The following KXD1 variants were observed in gnomAD, a reference collection of about 807,000 sequenced individuals.
KXD1 encodes the protein KxDL motif containing 1, also known as kxDL motif-containing protein 1.
KXD1 carries 5 observed loss-of-function variants against 12.1 expected under a neutral mutation model. The observed-to-expected ratio is 0.41, with a 90% CI of 0.22 to 0.87. The LOEUF is 0.87. Among genes scored for constraint, KXD1 ranks in the 40% least tolerant of loss-of-function variants. The pLI is 0.31. For missense variants in KXD1, 193 were observed against 244.9 expected, an observed-to-expected ratio of 0.79 and a Z score of 1.41; for synonymous variants, 98 against 100.5, an observed-to-expected ratio of 0.98 and a Z score of 0.15.
intron 4 of KXD1, 162 bp downstream of exon 4, chr19:18,567,340 T>C: frequency 1.4e-6 from 1 of 707,346 alleles, no homozygotes; most frequent in Non-Finnish European, 2.5e-6. Flanking sequence ...GCTGGCCTGG[T>C]CCTGTCAGCA....
At chr19:18,566,771 C>T (rs888022589) in intron 3 of KXD1, among the ~76,000 whole-genome samples, 3 of 150,376 alleles carry the variant, frequency 2.0e-5, no homozygotes, top group East Asian at 1.9e-4. Context: ...CCACCCTGGG[C>T]GACAGAGTGA....
intron 1 of KXD1, among the ~76,000 whole-genome samples, chr19:18,560,985 G>A (rs538993400): frequency 2.0e-5 from 3 of 152,206 alleles, no homozygotes; most frequent in African/African-American, 7.2e-5. Context: ...GATTACAGGC[G>A]TGAGCCACAG....
chr19:18,565,897 A>T (rs1312673412), intron 3 of KXD1, among the ~76,000 whole-genome samples: 3 of 152,290 alleles, frequency 2.0e-5, no homozygotes, highest in Middle Eastern at 3.4e-3. Flanking sequence ...CGTGTTGCCC[A>T]GGCTAGTCTC....
At chr19:18,564,842 A>G in intron 2 of KXD1, 27 bp from the exon 3 acceptor site, 1 of 1,612,052 alleles carries the variant, frequency 6.2e-7, no homozygotes, top group Non-Finnish European at 8.5e-7. Flanking sequence ...CTGGGCAGTG[A>G]AGCTCATGCC....
chr19:18,561,758 C>G, intron 1 of KXD1: 1 of 244,164 alleles, frequency 4.1e-6, no homozygotes, highest in South Asian at 6.4e-5. Context: ...TGAGAGGTAC[C>G]TGTGGCCTTG....
chr19:18,564,273 G>A (rs1342440276), intron 2 of KXD1, among the ~76,000 whole-genome samples: 1 of 152,072 alleles, frequency 6.6e-6, no homozygotes, highest in Non-Finnish European at 1.5e-5. Context: ...GACCCTCCTG[G>A]CCCTATGGTG....
chr19:18,565,790 C>T (rs866793220), intron 3 of KXD1, among the ~76,000 whole-genome samples: 4 of 152,250 alleles, frequency 2.6e-5, no homozygotes, highest in Middle Eastern at 3.4e-3. Context: ...CAGGTTCAAG[C>T]GATTCTCCTG....
rs1175422548 is a variant in KXD1, at chr19:18,568,513, C to T, written c.413C>T (p.Pro138Leu). 1.1e-5 allele frequency: 18 copies of T among 1,614,106 alleles called. No homozygotes were observed. Among genetic ancestry groups the T allele is most frequent in the Admixed American group, 1.7e-5 (1 of 60,014 alleles). The change falls in exon 5 of 5, where the codon CCC becomes CTC. Residue 138 changes from proline to leucine, a missense_variant. Physicochemically the swap from Pro to Leu is moderately conservative, Grantham distance 98. Transcript: ENST00000222307. ...AGCACGGGCTCATGTGACACCAGCCCCGACACCGTCTCGCCCTCCCTGAGC... is the reference window on the plus strand; with the variant it reads ...AGCACGGGCTCATGTGACACCAGCCTCGACACCGTCTCGCCCTCCCTGAGC... Reference protein sequence around the residue: ...EQSTGSCDTSPDTVSPSLSPG... With the variant: ...EQSTGSCDTSLDTVSPSLSPG...
At chr19:18,565,315 C>T (rs188952381) in intron 3 of KXD1, 34 of 592,156 alleles carry the variant, frequency 5.7e-5, no homozygotes, top group African/African-American at 4.4e-4. Context: ...CTGCAAGCTC[C>T]GCTTCCCGGG....
intron 2 of KXD1, among the ~76,000 whole-genome samples, 199 bp downstream of exon 2, chr19:18,562,356 T>G (rs1974958123): frequency 6.6e-6 from 1 of 152,220 alleles, no homozygotes; most frequent in Non-Finnish European, 1.5e-5. Flanking sequence ...TGGGGAGATT[T>G]TGCAGCTGCG....
intron 3 of KXD1, 180 bp downstream of exon 3, chr19:18,565,201 T>G (rs1207610395): frequency 7.2e-7 from 1 of 1,397,028 alleles, no homozygotes; most frequent in East Asian, 2.5e-5. Context: ...GTAAGTTTAT[T>G]TACTGATTGA....
chr19:18,564,652 A>G (rs950646951), intron 2 of KXD1, among the ~76,000 whole-genome samples: 3 of 152,180 alleles, frequency 2.0e-5, no homozygotes, highest in Non-Finnish European at 4.4e-5. Flanking sequence ...AGAGGTAGAC[A>G]AGGCTACATG....
rs746447208 is a variant in KXD1 at position 18,568,548 on chromosome 19, G to C, written c.448G>C (p.Glu150Gln). ...TVSPSLSPGF[E>Q]DLSHVQPGSP... The stretch of plus-strand genomic sequence containing the variant: ...CTCGCCCTCCCTGAGCCCCGGCTTC[G>C]AGGACCTGTCCCATGTCCAGCCTGG... Residue 150 changes from glutamate (E) to glutamine (Q), a missense_variant, in exon 5 of 5, where the codon GAG becomes CAG. Coordinates refer to ENST00000222307, the MANE Select transcript of KXD1 (RefSeq NM_024069.4). 3 of 1,613,922 alleles carry C rather than the reference G, an allele frequency of 1.9e-6. No individual in the cohort carries two copies. The South Asian group carries it at 3.3e-5, about 18-fold the overall frequency.
chr19:18,559,403 G>A (rs1040112299), intron 1 of KXD1: 2 of 152,128 alleles, frequency 1.3e-5, no homozygotes, highest in Admixed American at 1.3e-4. Flanking sequence ...GGGTTTTGCT[G>A]GGTGTGGCAC....
chr19:18,565,313 T>A (rs1975160331), intron 3 of KXD1: 1 of 609,224 alleles, frequency 1.6e-6, no homozygotes, highest in Admixed American at 3.9e-5. Flanking sequence ...CACTGCAAGC[T>A]CCGCTTCCCG....
chr19:18,568,415 A>T lies in KXD1; in HGVS notation c.315A>T (p.Ala105=), dbSNP rs1462825052. Residue 105 remains alanine (A), a synonymous_variant, in exon 5 of 5, where the codon GCA becomes GCT. Transcript: ENST00000222307. The part of the protein sequence containing the change: ...HPEAFSHIPE[A]SFLEEEDEDP... ...TCCTTCCCCCAGATATCCCAGAGGC[A>T]TCCTTCCTGGAGGAAGAGGATGAAG... 1 of 1,613,714 alleles carries T rather than the reference A, an allele frequency of 6.2e-7. No homozygotes were observed. Among genetic ancestry groups the T allele is most frequent in the Non-Finnish European group, 8.5e-7 (1 of 1,179,626 alleles).
rs141307230 is a variant in KXD1 at position 18,564,663 on chromosome 19, A to T, written c.102-206A>T. ...GAATAGAGGTAGACAAGGCTACATG[A>T]GAAGGACACACTTGAGTAGGGTTTT... On this transcript the variant is annotated intron_variant, in intron 2 of 4. Coordinates refer to ENST00000222307, the MANE Select transcript of KXD1 (RefSeq NM_024069.4). 2.4e-3 allele frequency among the ~76,000 whole-genome samples: 367 copies of T among 152,288 alleles called. 3 individuals carry two copies. Among genetic ancestry groups the T allele is most frequent in the African/African-American group, 8.2e-3 (339 of 41,558 alleles).
intron 1 of KXD1, among the ~76,000 whole-genome samples, chr19:18,561,232 G>A (rs117831442): frequency 0.014 from 2,145 of 152,090 alleles, 19 homozygotes; most frequent in Non-Finnish European, 0.024. Context: ...GCGAGACCCT[G>A]TCTCTTAACA....
chr19:18,565,229 A>AT, intron 3 of KXD1: 38 of 1,088,034 alleles, frequency 3.5e-5, no homozygotes, highest in South Asian at 4.6e-5. Context: ...ATCGAGACAG[A>AT]GTTTTTTTTT....
Sources: allele counts gnomAD v4.1 joint callset (sites outside exome capture counted in the v4.1 genomes callset), GRCh38; gene constraint gnomAD v4.1.1; transcripts MANE v1.5; gene names NCBI Gene and HGNC (gene_info 2026-07-23, HGNC 2026-07-21).